Variants in LARGE1 observed in about 807,000 individuals in gnomAD.
LARGE1 encodes xylosyl- and glucuronyltransferase LARGE1.
LARGE1 carries 43 observed loss-of-function variants against 87.6 expected under a neutral mutation model. The ratio of observed to expected loss-of-function variants is 0.49; its 90% confidence interval spans 0.38 to 0.63. The LOEUF is 0.63. Among genes scored for constraint, LARGE1 ranks in the 30% least tolerant of loss-of-function variants. LARGE1 has a pLI of 0.00. For missense variants in LARGE1, 802 were observed against 1,000.2 expected, an observed-to-expected ratio of 0.80 and a Z score of 2.67; for synonymous variants, 434 against 394.6, an observed-to-expected ratio of 1.10 and a Z score of -1.18.
intron 1 of LARGE1, among the ~76,000 whole-genome samples, chr22:33,831,808 C>T (rs2062980336): frequency 6.6e-6 from 1 of 150,806 alleles, no homozygotes; most frequent in Admixed American, 6.6e-5. Flanking sequence ...ACTTGAGCCT[C>T]CAAAGAGGAT....
intron 11 of LARGE1, among the ~76,000 whole-genome samples, chr22:33,252,708 C>T (rs1927067320): frequency 6.6e-6 from 1 of 151,848 alleles, no homozygotes; most frequent in South Asian, 2.1e-4. Context: ...ACAACTTTGT[C>T]AGCCTCTGCT....
intron 1 of LARGE1, among the ~76,000 whole-genome samples, chr22:33,859,124 G>A (rs2063840551): frequency 6.6e-6 from 1 of 152,036 alleles, no homozygotes; most frequent in Admixed American, 6.5e-5. Flanking sequence ...AACCACCATG[G>A]CACATGTATA....
At chr22:33,917,980 C>G (rs971032218) in intron 1 of LARGE1, among the ~76,000 whole-genome samples, 3 of 151,870 alleles carry the variant, frequency 2.0e-5, no homozygotes, top group Admixed American at 6.6e-5. Flanking sequence ...AACTAGTCCC[C>G]CCTAGTGTCC....
intron 6 of LARGE1, among the ~76,000 whole-genome samples, chr22:33,451,375 A>G (rs1252903987): frequency 1.9e-5 from 2 of 106,592 alleles, no homozygotes; most frequent in Admixed American, 8.3e-5. Context: ...TTTTATTTCA[A>G]TAGCTTTTTG....
At chr22:33,178,932 T>G (rs926726943) in intron 11 of LARGE1, among the ~76,000 whole-genome samples, 1 of 152,184 alleles carries the variant, frequency 6.6e-6, no homozygotes, top group African/African-American at 2.4e-5. Context: ...CTTACAGTTT[T>G]GAAAGCTGAG....
intron 11 of LARGE1, among the ~76,000 whole-genome samples, chr22:33,206,446 G>T (rs533182260): frequency 6.6e-6 from 1 of 151,900 alleles, no homozygotes; most frequent in African/African-American, 2.4e-5. Context: ...CTTCCCTCCT[G>T]CCTTACTTAC....
At chr22:33,807,266 T>C (rs1431351882) in intron 1 of LARGE1, among the ~76,000 whole-genome samples, 1 of 152,022 alleles carries the variant, frequency 6.6e-6, no homozygotes. Flanking sequence ...ACAGGACTGT[T>C]TGGGATTAAA....
At chr22:33,444,440 G>A (rs2147854080) in intron 6 of LARGE1, among the ~76,000 whole-genome samples, 1 of 152,252 alleles carries the variant, frequency 6.6e-6, no homozygotes, top group South Asian at 2.1e-4. Context: ...CATCCAGGCT[G>A]GAGTGCAGTG....
intron 6 of LARGE1, among the ~76,000 whole-genome samples, chr22:33,558,843 A>G (rs2077772052): frequency 6.6e-6 from 1 of 152,222 alleles, no homozygotes; most frequent in Admixed American, 6.5e-5. Context: ...GGCTCTGTGG[A>G]CAGAACTGTG....
chr22:33,761,843 C>T (rs981285085), intron 1 of LARGE1, among the ~76,000 whole-genome samples: 2 of 152,176 alleles, frequency 1.3e-5, no homozygotes, highest in Admixed American at 6.5e-5. Flanking sequence ...AACTTCGAGA[C>T]CTGAACTAAC....
exon 12 of LARGE1, chr22:33,163,533 C>T (rs1242590211): frequency 6.6e-6 from 1 of 152,180 alleles, no homozygotes; most frequent in African/African-American, 2.4e-5. Flanking sequence ...TGTAGAAATA[C>T]AAAAATAAGA....
intron 5 of LARGE1, among the ~76,000 whole-genome samples, chr22:33,603,665 A>G (rs2079169287): frequency 6.6e-6 from 1 of 152,208 alleles, no homozygotes; most frequent in Non-Finnish European, 1.5e-5. Flanking sequence ...GAGGGGGCAA[A>G]GGGAACCAGA....
chr22:33,889,998 G>GC (rs1213497680), intron 1 of LARGE1, among the ~76,000 whole-genome samples: 1 of 152,206 alleles, frequency 6.6e-6, no homozygotes, highest in African/African-American at 2.4e-5. Flanking sequence ...CCAGGTTTCT[G>GC]CCCCCCATAA....
intron 6 of LARGE1, among the ~76,000 whole-genome samples, chr22:33,475,400 C>T (rs912284319): frequency 6.6e-6 from 1 of 151,880 alleles, no homozygotes; most frequent in Non-Finnish European, 1.5e-5. Context: ...CTAGTACCTA[C>T]TTGATAATCA....
intron 2 of LARGE1, among the ~76,000 whole-genome samples, chr22:33,692,665 T>C (rs189933317): frequency 7.0e-4 from 107 of 152,348 alleles, no homozygotes; most frequent in African/African-American, 2.5e-3. Flanking sequence ...AGGTTTTCAA[T>C]ATGTGTATAT....
intron 12 of LARGE1, among the ~76,000 whole-genome samples, chr22:33,293,764 T>G (rs1484082337): frequency 1.3e-5 from 2 of 152,170 alleles, no homozygotes; most frequent in Non-Finnish European, 1.5e-5. Flanking sequence ...ATTGGGAACA[T>G]GTGTACTGAT....
chr22:33,170,294 A>T (rs1205977352), intron 11 of LARGE1, among the ~76,000 whole-genome samples: 2 of 152,096 alleles, frequency 1.3e-5, no homozygotes, highest in African/African-American at 4.8e-5. Context: ...GCTTGAACCC[A>T]GGAGATGGAG....
rs1328773544 is a variant in LARGE1, at chr22:33,515,945, C to G, written c.787+48903G>C. The stretch of plus-strand genomic sequence containing the variant: ...CACACACACAGCACCAGCCTGGCAC[C>G]TTGCCAGCTTCACAGAGTCCGGGAG... On this transcript the variant is annotated intron_variant, in intron 6 of 14. Transcript: ENST00000397394. Among the ~76,000 whole-genome samples, 3 of 152,220 alleles carry G rather than the reference C, an allele frequency of 2.0e-5. No individual in the cohort carries two copies. In the East Asian group the frequency reaches 5.8e-4, roughly 29 times the overall value.
chr22:33,193,448 T>C (rs1923894357), intron 11 of LARGE1, among the ~76,000 whole-genome samples: 1 of 152,042 alleles, frequency 6.6e-6, no homozygotes, highest in African/African-American at 2.4e-5. Flanking sequence ...CAGAGATAGA[T>C]ATAAGAAATC....
Sources: gnomAD v4.1 joint callset for allele counts (sites outside exome capture counted in the v4.1 genomes callset) on GRCh38, gnomAD v4.1.1 for gene constraint, MANE v1.5 for transcripts, NCBI Gene and HGNC (gene_info 2026-07-23, HGNC 2026-07-21) for gene names.